The following CCND1 variants were observed in gnomAD, a reference collection of about 807,000 sequenced individuals.
The protein encoded by CCND1 is cyclin D1, also known as G1/S-specific cyclin-D1.
Under a neutral mutation model 26.1 loss-of-function variants are expected in CCND1, and 9 were observed. The observed-to-expected ratio is 0.35, with a 90% CI of 0.21 to 0.60. The LOEUF is 0.60. Among genes scored for constraint, CCND1 ranks in the 20% least tolerant of loss-of-function variants. CCND1 has a pLI of 0.79. For synonymous variants in CCND1, 194 were observed against 166.1 expected, an observed-to-expected ratio of 1.17 and a Z score of -1.29; for missense variants, 335 against 392.9, an observed-to-expected ratio of 0.85 and a Z score of 1.25.
chr11:69,644,918 A>G (rs2120098519), intron 3 of CCND1, among the ~76,000 whole-genome samples: 1 of 152,300 alleles, frequency 6.6e-6, no homozygotes, highest in East Asian at 1.9e-4. Context: ...CCTAGGCCAC[A>G]AGGCCCACGG....
At chr11:69,650,625 C>T (rs1375876088) in intron 4 of CCND1, among the ~76,000 whole-genome samples, 1 of 152,242 alleles carries the variant, frequency 6.6e-6, no homozygotes, top group East Asian at 1.9e-4. Flanking sequence ...CAGCATTCAT[C>T]CTCAGTCATG....
chr11:69,644,155 ATTGT>A (rs1252521447), intron 3 of CCND1, 164 bp downstream of exon 3: 2 of 705,020 alleles, frequency 2.8e-6, no homozygotes, highest in African/African-American at 3.5e-5. Context: ...GAGGCCCTGG[ATTGT>A]TTGTCGCGCT....
intron 3 of CCND1, among the ~76,000 whole-genome samples, chr11:69,645,298 A>C (rs1043455345): frequency 6.6e-6 from 1 of 152,154 alleles, no homozygotes; most frequent in African/African-American, 2.4e-5. Flanking sequence ...GAGAAATGCA[A>C]AGTTTCCTGG....
chr11:69,645,949 G>C (rs952340896), intron 3 of CCND1, among the ~76,000 whole-genome samples: 6 of 152,162 alleles, frequency 3.9e-5, no homozygotes. Flanking sequence ...AGGAGCTTCC[G>C]GGACAGCTGT....
Position 69,653,134 on chromosome 11 carries a change from G to A in CCND1, c.*1852G>A, listed in dbSNP as rs1855875302. 1.7e-6 allele frequency: 1 copy of A among 584,198 alleles called. No homozygotes were observed. Among genetic ancestry groups the A allele is most frequent in the South Asian group, 2.1e-5 (1 of 47,310 alleles). The allele number at this position is 584,198 out of a possible 1,614,324, so 36.2% of individuals were successfully genotyped here. On this transcript the variant is annotated 3_prime_UTR_variant, in exon 5 of 5. Transcript: ENST00000227507. ...TGAAGGGAGGTGGCAAGAGTGTGGAGGCTGACGTGTGAGGGAGGACAGGCG... is the reference window on the plus strand; with the variant it reads ...TGAAGGGAGGTGGCAAGAGTGTGGAAGCTGACGTGTGAGGGAGGACAGGCG...
rs377263154 is a variant in CCND1, at chr11:69,645,614, G to A, written c.574+1623G>A. Among the ~76,000 whole-genome samples, 11 of 152,330 alleles carry A rather than the reference G, an allele frequency of 7.2e-5. 1 individual carries two copies. Among genetic ancestry groups the A allele is most frequent in the South Asian group, 2.1e-4 (1 of 4,826 alleles). On this transcript the variant is annotated intron_variant, in intron 3 of 4. Coordinates refer to ENST00000227507, the MANE Select transcript of CCND1 (RefSeq NM_053056.3). ...TGCAAAGTGCTCCGGGTCCTGACCC[G>A]TGGCCACCCCATGGAACGTAACTGA...
Position 69,641,232 on chromosome 11 carries a change from G to C in CCND1, c.-82G>C, listed in dbSNP as rs55911137. 33,862 of 1,346,100 alleles carry C rather than the reference G, an allele frequency of 0.025. 596 individuals carry two copies. Among genetic ancestry groups the C allele is most frequent in the South Asian group, 0.057 (4,847 of 84,826 alleles). 83.4% of individuals were successfully genotyped at this position (1,346,100 alleles called of 1,614,324 possible). ...GAGGGGCAGAAGAGCGCGAGGGAGC[G>C]CGGGGCAGCAGAAGCGAGAGCCGAG... On this transcript the variant is annotated 5_prime_UTR_variant, in exon 1 of 5. Transcript: ENST00000227507.
chr11:69,654,165 A>T lies in CCND1; in HGVS notation c.*2883A>T, dbSNP rs1359787072. On this transcript the variant is annotated 3_prime_UTR_variant, in exon 5 of 5. Coordinates refer to ENST00000227507, the MANE Select transcript of CCND1 (RefSeq NM_053056.3). The surrounding 1 kb of genome is among the most constrained non-coding windows in gnomAD (Gnocchi z 6.3). ...AACACGGCTCACGCTTACCTCAACC[A>T]TCCTGGCTGCGGCGTCTGTCTGAAC... 1.7e-6 allele frequency: 1 copy of T among 575,658 alleles called. No homozygotes were observed. Among genetic ancestry groups the T allele is most frequent in the African/African-American group, 1.9e-5 (1 of 52,488 alleles). 35.7% of individuals were successfully genotyped at this position (575,658 alleles called of 1,614,324 possible). A position where few individuals can be genotyped will look rare whatever the true frequency, so the allele number is the denominator to read the frequency against.
rs752451676 is a variant in CCND1 at position 69,651,315 on chromosome 11, G to A, written c.*33G>A. ...AGGCAGGCGGGCGCCACCGCCACCC[G>A]CAGCGAGGGCGGAGCCGGCCCCAGG... On this transcript the variant is annotated 3_prime_UTR_variant, in exon 5 of 5. Coordinates refer to ENST00000227507, the MANE Select transcript of CCND1 (RefSeq NM_053056.3). The A allele has an allele frequency of 1.2e-5, 17 of 1,431,070 alleles. No individual in the cohort carries two copies. Among genetic ancestry groups the A allele is most frequent in the African/African-American group, 2.9e-5 (2 of 67,878 alleles). 88.6% of individuals were successfully genotyped at this position (1,431,070 alleles called of 1,614,324 possible). A position where few individuals can be genotyped will look rare whatever the true frequency, so the allele number is the denominator to read the frequency against.
chr11:69,642,335 G>C (rs1855717100), intron 1 of CCND1, among the ~76,000 whole-genome samples: 1 of 152,122 alleles, frequency 6.6e-6, no homozygotes. Context: ...CAGACCTTCG[G>C]TGGGCGCCTG....
At position 69,652,779 on chromosome 11, in the gene CCND1, TAC is replaced by T. The variant is rs10640302; in HGVS notation, c.*1521_*1522del. 7.9e-3 allele frequency: 1,801 copies of T among 227,032 alleles called. 10 individuals carry two copies. Among genetic ancestry groups the T allele is most frequent in the African/African-American group, 0.022 (994 of 44,718 alleles). The allele number at this position is 227,032 out of a possible 1,614,324, so 14.1% of individuals were successfully genotyped here. A position where few individuals can be genotyped will look rare whatever the true frequency, so the allele number is the denominator to read the frequency against. On this transcript the variant is annotated 3_prime_UTR_variant, in exon 5 of 5. Coordinates refer to ENST00000227507, the MANE Select transcript of CCND1 (RefSeq NM_053056.3). ...TCTCCCCTTGATTTAAACACACAGA[TAC>T]ACACACACACACACACACACACAAA...
At chr11:69,647,421 C>G (rs1855796609) in intron 3 of CCND1, among the ~76,000 whole-genome samples, 1 of 152,156 alleles carries the variant, frequency 6.6e-6, no homozygotes, top group Non-Finnish European at 1.5e-5. Flanking sequence ...AGGCTGCCGG[C>G]CAGGGCTTAC....
At position 69,641,261 on chromosome 11, in the gene CCND1, G is replaced by C. The variant is rs555782155; in HGVS notation, c.-53G>C. The C allele has an allele frequency of 2.6e-6, 4 of 1,542,028 alleles. No individual in the cohort carries two copies. Among genetic ancestry groups the C allele is most frequent in the Middle Eastern group, 2.3e-4 (1 of 4,406 alleles). ...GGCAGCAGAAGCGAGAGCCGAGCGC[G>C]GACCCAGCCAGGACCCACAGCCCTC... On this transcript the variant is annotated 5_prime_UTR_variant, in exon 1 of 5. Transcript: ENST00000227507.
At position 69,641,338 on chromosome 11, in the gene CCND1, G is replaced by C. The variant is rs2120079775; in HGVS notation, c.25G>C (p.Glu9Gln). ...CATGGAACACCAGCTCCTGTGCTGCGAAGTGGAAACCATCCGCCGCGCGTA... is the reference window on the plus strand; with the variant it reads ...CATGGAACACCAGCTCCTGTGCTGCCAAGTGGAAACCATCCGCCGCGCGTA... Reference protein sequence around the residue: MEHQLLCCEVETIRRAYPD... With the variant: MEHQLLCCQVETIRRAYPD... The change falls in exon 1 of 5, where the codon GAA becomes CAA. Residue 9 changes from glutamate to glutamine, a missense_variant. Transcript: ENST00000227507. 3.7e-6 allele frequency: 6 copies of C among 1,612,792 alleles called. No individual in the cohort carries two copies. The highest frequency in any genetic ancestry group is 5.1e-6 in the Non-Finnish European group (6 of 1,180,018).
In CCND1 at chr11:69,643,394, C is replaced by A. The variant is rs569642045; in HGVS notation, c.414+148C>A. The A allele has an allele frequency of 1.9e-4, 112 of 599,664 alleles. No homozygotes were observed. The African/African-American group carries it at 2.0e-3, about 11-fold the overall frequency. The allele number at this position is 599,664 out of a possible 1,614,324, so 37.1% of individuals were successfully genotyped here. On this transcript the variant is annotated intron_variant, in intron 2 of 4. Coordinates refer to ENST00000227507, the MANE Select transcript of CCND1 (RefSeq NM_053056.3). The stretch of plus-strand genomic sequence containing the variant: ...CGGCCCCGCCGCCGGGCGTCCCTGT[C>A]CGGGGAGCGGGCGGGATCCTAGCCG...
At position 69,651,167 on chromosome 11, in the gene CCND1, G is replaced by C. The variant is rs750012493; in HGVS notation, c.773G>C (p.Ser258Thr). 6.2e-7 allele frequency: 1 copy of C among 1,612,526 alleles called. No individual in the cohort carries two copies. The highest frequency in any genetic ancestry group is 8.5e-7 in the Non-Finnish European group (1 of 1,179,162). The change falls in exon 5 of 5, where the codon AGC (serine) becomes ACC (threonine). Residue 258 changes from serine (S) to threonine (T), a missense_variant. Transcript: ENST00000227507. ...CAGATCGAAGCCCTGCTGGAGTCAA[G>C]CCTGCGCCAGGCCCAGCAGAACATG... The part of the protein sequence containing the change: ...QEQIEALLES[S>T]LRQAQQNMDP...
chr11:69,641,612 C>G (rs559060515), intron 1 of CCND1, 101 bp downstream of exon 1: 4 of 1,194,162 alleles, frequency 3.3e-6, no homozygotes, highest in Non-Finnish European at 4.9e-6. Flanking sequence ...CCCGCTAGAA[C>G]TTTGAAGTTT....
At position 69,643,018 on chromosome 11, in the gene CCND1, C is replaced by A. The variant is rs779213286; in HGVS notation, c.199-13C>A. 2 of 1,547,160 alleles carry A rather than the reference C, an allele frequency of 1.3e-6. No individual in the cohort carries two copies. The highest frequency in any genetic ancestry group is 1.4e-5 in the African/African-American group (1 of 71,128). ...ACCTGGCGGCGGCGGTCACGGGCCC[C>A]GTGCCTCCGTAGGTCTGCGAGGAAC... On this transcript the variant is annotated splice_polypyrimidine_tract_variant and intron_variant, in intron 1 of 4. Coordinates refer to ENST00000227507, the MANE Select transcript of CCND1 (RefSeq NM_053056.3).
intron 3 of CCND1, among the ~76,000 whole-genome samples, chr11:69,644,775 C>T (rs1040240950): frequency 1.3e-5 from 2 of 152,192 alleles, no homozygotes; most frequent in Non-Finnish European, 2.9e-5. Flanking sequence ...CCCCTGTGAC[C>T]GCCTCCTTCC....
Sources: allele counts gnomAD v4.1 joint callset (sites outside exome capture counted in the v4.1 genomes callset), GRCh38; gene constraint gnomAD v4.1.1; non-coding constraint Gnocchi (gnomAD v3.1); transcripts MANE v1.5; gene names NCBI Gene and HGNC (gene_info 2026-07-23, HGNC 2026-07-21).